Variants in ZNF77 observed in about 807,000 individuals in gnomAD.
The protein encoded by ZNF77 is ZNFpT1.
A neutral mutation model predicts 13.5 loss-of-function variants in ZNF77; 15 were observed. The ratio of observed to expected loss-of-function variants is 1.11; its 90% CI spans 0.74 to 1.71. The LOEUF is 1.71. Ranked by LOEUF, ZNF77 falls within the 40% of genes most tolerant of loss-of-function variation. ZNF77 has a pLI of 0.00. For missense variants in ZNF77, 717 were observed against 676.4 expected, an observed-to-expected ratio of 1.06 and a Z score of -0.67; for synonymous variants, 282 against 250.0, an observed-to-expected ratio of 1.13 and a Z score of -1.21.
In ZNF77 at chr19:2,933,594, C is replaced by G. The variant is rs556368046; in HGVS notation, c.1533G>C (p.Val511=). ...YSCSSSLRVH[V]RTHTGERPYE... ...ACGGTCTCTCTCCAGTGTGCGTTCT[C>G]ACGTGCACACGAAGGGACGAGGAAC... is the stretch of plus-strand genomic sequence containing the variant. Residue 511 remains valine, a synonymous_variant, in exon 4 of 4, where the codon GTG becomes GTC. Coordinates refer to ENST00000314531, the MANE Select transcript of ZNF77 (RefSeq NM_021217.3). 7 of 1,613,720 alleles carry G rather than the reference C, an allele frequency of 4.3e-6. No homozygotes were observed. The Admixed American group carries it at 5.0e-5, about 12-fold the overall frequency.
In ZNF77 at chr19:2,933,405, C is replaced by T; in HGVS notation, c.*84G>A. On this transcript the variant is annotated 3_prime_UTR_variant, in exon 4 of 4. Coordinates refer to ENST00000314531, the MANE Select transcript of ZNF77 (RefSeq NM_021217.3). ...ATAAGTGCTATACCAGGTTTTCCTA[C>T]ATGCTCTACATAAATAACGTTTCTC... 1 of 1,472,728 alleles carries T rather than the reference C, an allele frequency of 6.8e-7. No homozygotes were observed. 91.2% of individuals were successfully genotyped at this position (1,472,728 alleles called of 1,614,324 possible).
chr19:2,934,993 A>G (rs900704675), intron 3 of ZNF77, among the ~76,000 whole-genome samples, 178 bp from the exon 4 acceptor site: 1 of 152,172 alleles, frequency 6.6e-6, no homozygotes, highest in African/African-American at 2.4e-5. Context: ...CTGAAGGCTC[A>G]ACTGCAGCCA....
In ZNF77 at chr19:2,944,772, G is replaced by T. The variant is rs2088481342; in HGVS notation, c.3+66C>A. 3 of 1,479,282 alleles carry T rather than the reference G, an allele frequency of 2.0e-6. No individual in the cohort carries two copies. The African/African-American group carries it at 4.4e-5, about 22-fold the overall frequency. 91.6% of individuals were successfully genotyped at this position (1,479,282 alleles called of 1,614,324 possible). On this transcript the variant is annotated intron_variant, in intron 1 of 3. Transcript: ENST00000314531. ...CAGCTTTCTCCGGCTGCGAACTCGG[G>T]CGGAAGCCGGTTCCTGCCGCCCCAC...
rs12151192 is a variant in ZNF77 at position 2,939,094 on chromosome 19, C to T, written c.130+187G>A. On this transcript the variant is annotated intron_variant, in intron 2 of 3. Coordinates refer to ENST00000314531, the MANE Select transcript of ZNF77 (RefSeq NM_021217.3). ...ACCCAAGGAGGCAGTGAGGGAATGACGCCACCCTTACCCAAGGAGGCAGTG... is the reference window on the plus strand; with the variant it reads ...ACCCAAGGAGGCAGTGAGGGAATGATGCCACCCTTACCCAAGGAGGCAGTG... 3.8e-3 allele frequency among the ~76,000 whole-genome samples: 404 copies of T among 107,124 alleles called. 3 individuals carry two copies. The highest frequency in any genetic ancestry group is 0.013 in the African/African-American group (382 of 28,998). The allele number at this position is 107,124 out of a possible 152,430, so 70.3% of individuals were successfully genotyped here.
At position 2,934,833 on chromosome 19, in the gene ZNF77, C is replaced by G; in HGVS notation, c.312-18G>C. The G allele has an allele frequency of 6.3e-7, 1 of 1,589,420 alleles. No homozygotes were observed. The highest frequency in any genetic ancestry group is 8.6e-7 in the Non-Finnish European group (1 of 1,164,606). On this transcript the variant is annotated intron_variant, in intron 3 of 3. Coordinates refer to ENST00000314531, the MANE Select transcript of ZNF77 (RefSeq NM_021217.3). ...GCTGACTTCTGTTCAAAATGGGAAG[C>G]AAGCTACTAGTCATGAATGACTATA...
chr19:2,934,321 T>G lies in ZNF77; in HGVS notation c.806A>C (p.Glu269Ala), dbSNP rs759431600. The part of the protein sequence containing the change: ...VRTHTGEKPY[E>A]CKECGKAFSC... ...GAAGGCTTTCCCACACTCCTTACAC[T>G]CATAGGGTTTCTCTCCTGTGTGAGT... The change falls in exon 4 of 4, where the codon GAG (glutamate) becomes GCG (alanine). Residue 269 changes from glutamate to alanine, a missense_variant. Glu to Ala is a moderately radical substitution (Grantham distance 107). Transcript: ENST00000314531. The G allele has an allele frequency of 6.2e-7, 1 of 1,613,708 alleles. No individual in the cohort carries two copies. Among genetic ancestry groups the G allele is most frequent in the Non-Finnish European group, 8.5e-7 (1 of 1,179,652 alleles).
At position 2,934,444 on chromosome 19, in the gene ZNF77, C is replaced by G. The variant is rs201927327; in HGVS notation, c.683G>C (p.Arg228Thr). ...CCCATGATGACTATTCACATGTCCC[C>G]TGAAAGATGAGGGACAAATGAAAGC... ...GKAFICPSSF[R>T]GHVNSHHGQK... The change falls in exon 4 of 4, where the codon AGG becomes ACG. Residue 228 changes from arginine (R) to threonine (T), a missense_variant. Coordinates refer to ENST00000314531, the MANE Select transcript of ZNF77 (RefSeq NM_021217.3). 6.2e-7 allele frequency: 1 copy of G among 1,614,216 alleles called. No individual in the cohort carries two copies. The highest frequency in any genetic ancestry group is 2.2e-5 in the East Asian group (1 of 44,890).
Position 2,934,494 on chromosome 19 carries a change from A to C in ZNF77, c.633T>G (p.Ser211=), listed in dbSNP as rs2088377878. 6.2e-7 allele frequency: 1 copy of C among 1,614,108 alleles called. No individual in the cohort carries two copies. The highest frequency in any genetic ancestry group is 8.5e-7 in the Non-Finnish European group (1 of 1,180,042). The stretch of plus-strand genomic sequence containing the variant: ...CTTTTCCACATTTCTGACATTCATA[A>C]GACTTTTTACTGCTGAGACTTTTCA... The part of the protein sequence containing the change: ...TYVKSLSSKK[S]YECQKCGKAF... The change falls in exon 4 of 4, where the codon TCT becomes TCG. Residue 211 remains serine, a synonymous_variant. Coordinates refer to ENST00000314531, the MANE Select transcript of ZNF77 (RefSeq NM_021217.3).
At chr19:2,943,365 T>C (rs1010800033) in intron 1 of ZNF77, among the ~76,000 whole-genome samples, 1 of 151,976 alleles carries the variant, frequency 6.6e-6, no homozygotes, top group Non-Finnish European at 1.5e-5. Context: ...TACGTTTGGG[T>C]TTACACAAGC....
At chr19:2,943,298 C>A (rs779846135) in intron 1 of ZNF77, among the ~76,000 whole-genome samples, 13 of 151,978 alleles carry the variant, frequency 8.6e-5, no homozygotes, top group African/African-American at 9.7e-5. Flanking sequence ...TGCAACAGCC[C>A]CTTCTCCCCC....
intron 1 of ZNF77, among the ~76,000 whole-genome samples, chr19:2,940,621 C>T (rs888869926): frequency 6.7e-6 from 1 of 149,072 alleles, no homozygotes; most frequent in African/African-American, 2.5e-5. Context: ...TGCAGTGAGC[C>T]GAGATGGCGC....
intron 1 of ZNF77, 41 bp downstream of exon 1, chr19:2,944,797 C>T (rs1410171196): frequency 2.0e-6 from 3 of 1,504,024 alleles, no homozygotes; most frequent in African/African-American, 1.4e-5. Context: ...TGCCGCCCCA[C>T]CTCGCCCTGG....
chr19:2,939,517 C>T, intron 1 of ZNF77, 110 bp from the exon 2 acceptor site: 1 of 1,506,026 alleles, frequency 6.6e-7, no homozygotes, highest in South Asian at 1.3e-5. Context: ...GAGCTTATGT[C>T]CTTGTGAGAG....
chr19:2,938,301 C>A (rs1275672771), intron 2 of ZNF77, among the ~76,000 whole-genome samples: 1 of 152,206 alleles, frequency 6.6e-6, no homozygotes, highest in Admixed American at 6.5e-5. Context: ...ACTTCCCAGA[C>A]CACCGATGAT....
chr19:2,936,567 C>T lies in ZNF77; in HGVS notation c.268G>A (p.Asp90Asn). ...ATTTGGTGCTGATCTCCAGTGTTAT[C>T]AAATCTCCAATTTTCTCCAAAAATA... is the stretch of plus-strand genomic sequence containing the variant. ...WSIFGENWRF[D>N]NTGDQHQIPQ... Residue 90 changes from aspartate to asparagine, a missense_variant, in exon 3 of 4, where the codon GAT (aspartate) becomes AAT (asparagine). Coordinates refer to ENST00000314531, the MANE Select transcript of ZNF77 (RefSeq NM_021217.3). 6.2e-7 allele frequency: 1 copy of T among 1,611,314 alleles called. No homozygotes were observed. Among genetic ancestry groups the T allele is most frequent in the Non-Finnish European group, 8.5e-7 (1 of 1,179,274 alleles).
At chr19:2,941,833 T>C (rs1032993144) in intron 1 of ZNF77, among the ~76,000 whole-genome samples, 3 of 152,120 alleles carry the variant, frequency 2.0e-5, no homozygotes, top group African/African-American at 7.2e-5. Context: ...TCAGTGCTAG[T>C]TTCATGAATG....
At chr19:2,944,550 GCCT>G (rs1162396440) in intron 1 of ZNF77, among the ~76,000 whole-genome samples, 1 of 144,804 alleles carries the variant, frequency 6.9e-6, no homozygotes, top group Non-Finnish European at 1.5e-5. Flanking sequence ...CACTTAAATT[GCCT>G]CAAGCCCCTG....
chr19:2,934,407 A>T lies in ZNF77; in HGVS notation c.720T>A (p.His240Gln). Residue 240 changes from histidine to glutamine, a missense_variant, in exon 4 of 4, where the codon CAT (histidine) becomes CAA (glutamine). Transcript: ENST00000314531. ...AGGTCTTCCCACATACTTTACATGC[A>T]TGGGTTTTCTGCCCATGATGACTAT... ...HVNSHHGQKT[H>Q]ACKVCGKTFM... 5 of 1,614,236 alleles carry T rather than the reference A, an allele frequency of 3.1e-6. No individual in the cohort carries two copies. The highest frequency in any genetic ancestry group is 4.2e-6 in the Non-Finnish European group (5 of 1,180,040).
intron 1 of ZNF77, among the ~76,000 whole-genome samples, chr19:2,942,472 C>A (rs12976552): frequency 3.3e-5 from 5 of 150,522 alleles, no homozygotes; most frequent in Admixed American, 6.7e-5. Context: ...GATTCTCCCC[C>A]CTCAGCCTCT....
Sources: gnomAD v4.1 joint callset for allele counts (sites outside exome capture counted in the v4.1 genomes callset) on GRCh38, gnomAD v4.1.1 for gene constraint, MANE v1.5 for transcripts, NCBI Gene and HGNC (gene_info 2026-07-23, HGNC 2026-07-21) for gene names.